Variants in STAT5B observed in about 807,000 individuals in gnomAD.
The protein encoded by STAT5B is transcription factor STAT5B.
In STAT5B, 21 loss-of-function variants were observed where a neutral mutation model predicts 107.8. The observed-to-expected ratio is 0.19, with a 90% CI of 0.14 to 0.28. The LOEUF (loss-of-function observed/expected upper bound fraction) is 0.28. STAT5B is among the 10% of genes least tolerant of loss of function. STAT5B has a pLI of 1.00. For synonymous variants in STAT5B, 325 were observed against 401.7 expected (o/e 0.81, Z 2.28); for missense variants, 565 against 1,008.2 (o/e 0.56, Z 5.95).
At chr17:42,237,544 C>T (rs956414167) in intron 1 of STAT5B, among the ~76,000 whole-genome samples, 2 of 152,016 alleles carry the variant, frequency 1.3e-5, no homozygotes, top group Admixed American at 6.6e-5. Flanking sequence ...TGTGTATCTG[C>T]CAACTCAGTG....
chr17:42,232,840 GT>G (rs931007817), intron 1 of STAT5B, among the ~76,000 whole-genome samples: 2,607 of 133,314 alleles, frequency 0.02, 20 homozygotes, highest in South Asian at 0.059. Context: ...TTAGCAGAGA[GT>G]TTTTTTTTTT....
At chr17:42,248,666 T>C (rs1199728831) in intron 1 of STAT5B, among the ~76,000 whole-genome samples, 1 of 152,232 alleles carries the variant, frequency 6.6e-6, no homozygotes, top group Non-Finnish European at 1.5e-5. Context: ...CTCCCACCTC[T>C]TAACTAACAG....
intron 18 of STAT5B, 26 bp downstream of exon 18, chr17:42,202,314 T>C (rs2080051468): frequency 1.2e-6 from 2 of 1,613,852 alleles, no homozygotes; most frequent in Non-Finnish European, 1.7e-6. Context: ...TCCTCCCCTG[T>C]GGACCCCCAC....
At chr17:42,207,419 C>T in intron 16 of STAT5B, 139 bp downstream of exon 16, 2 of 1,147,462 alleles carry the variant, frequency 1.7e-6, no homozygotes, top group East Asian at 2.5e-5. Context: ...CTGGAAAATG[C>T]TCAAACTGCT....
chr17:42,201,881 G>T lies in STAT5B; in HGVS notation c.2238-17C>A. ...GAGTCAGGGCTTGGGAGGGAAAGAAGAGGGATGAAGGGAAGGGGAAAGCCT... is the reference window on the plus strand; with the variant it reads ...GAGTCAGGGCTTGGGAGGGAAAGAATAGGGATGAAGGGAAGGGGAAAGCCT... On this transcript the variant is annotated splice_polypyrimidine_tract_variant and intron_variant, in intron 18 of 18. Transcript: ENST00000293328. The T allele has an allele frequency of 6.2e-7, 1 of 1,613,208 alleles. No individual in the cohort carries two copies. The highest frequency in any genetic ancestry group is 8.5e-7 in the Non-Finnish European group (1 of 1,179,600).
chr17:42,269,271 A>G (rs1010545432), intron 1 of STAT5B, among the ~76,000 whole-genome samples: 5 of 152,030 alleles, frequency 3.3e-5, no homozygotes, highest in African/African-American at 1.2e-4. Context: ...ACAGGGTTTC[A>G]CCATGTTGGC....
At position 42,237,228 on chromosome 17, in the gene STAT5B, C is replaced by T. The variant is rs181589235; in HGVS notation, c.-10-5091G>A. 7.6e-4 allele frequency among the ~76,000 whole-genome samples: 115 copies of T among 152,180 alleles called. 1 individual carries two copies. In the East Asian group the frequency reaches 0.017, roughly 22 times the overall value. On this transcript the variant is annotated intron_variant, in intron 1 of 18. Coordinates refer to ENST00000293328, the MANE Select transcript of STAT5B (RefSeq NM_012448.4). ...GGCTTGGAGAGCCAAATAAATCAGT[C>T]GGGCCCTCAGGCACTTGTTAATAAA...
chr17:42,262,523 A>G (rs1050763641), intron 1 of STAT5B, among the ~76,000 whole-genome samples: 11 of 152,052 alleles, frequency 7.2e-5, no homozygotes, highest in African/African-American at 2.7e-4. Flanking sequence ...AGATATTCCC[A>G]AATGAGTACC....
chr17:42,275,349 T>C (rs749734746), intron 1 of STAT5B: 4 of 152,340 alleles, frequency 2.6e-5, no homozygotes, highest in East Asian at 1.9e-4. Context: ...GTATCTCTTT[T>C]AGTCTTTAAA....
In STAT5B at chr17:42,207,640, G is replaced by A. The variant is rs370257486; in HGVS notation, c.1995C>T (p.Tyr665=). 5 of 1,614,018 alleles carry A rather than the reference G, an allele frequency of 3.1e-6. No individual in the cohort carries two copies. Among genetic ancestry groups the A allele is most frequent in the Admixed American group, 1.7e-5 (1 of 59,992 alleles). The change falls in exon 16 of 19, where the codon TAC becomes TAT. Residue 665 remains tyrosine (Y), a synonymous_variant. Coordinates refer to ENST00000293328, the MANE Select transcript of STAT5B (RefSeq NM_012448.4). Reference sequence around the variant, plus strand: ...GCCGATCAGGAAACACGTAGATAAGGTAATTCAAGTCTCCCAAGCGGTCGG... The same window carrying A: ...GCCGATCAGGAAACACGTAGATAAGATAATTCAAGTCTCCCAAGCGGTCGG... The part of the protein sequence containing the change: ...SLADRLGDLN[Y]LIYVFPDRPK...
At chr17:42,251,056 A>G (rs568225067) in intron 1 of STAT5B, among the ~76,000 whole-genome samples, 2 of 152,128 alleles carry the variant, frequency 1.3e-5, no homozygotes, top group Non-Finnish European at 2.9e-5. Context: ...TGAATACAAA[A>G]AGATTATTTG....
chr17:42,259,779 CA>C (rs374490542), intron 1 of STAT5B, among the ~76,000 whole-genome samples: 4 of 141,608 alleles, frequency 2.8e-5, no homozygotes, highest in Admixed American at 7.1e-5. Flanking sequence ...GATTCTGTCT[CA>C]AAAAAAAAAC....
intron 1 of STAT5B, among the ~76,000 whole-genome samples, chr17:42,238,755 G>A (rs1487461674): frequency 6.6e-6 from 1 of 151,550 alleles, no homozygotes; most frequent in East Asian, 2.0e-4. Context: ...TTAAAAGATG[G>A]CATTCCTATT....
the STAT5B span, among the ~76,000 whole-genome samples, chr17:42,282,160 TA>T: frequency 1.3e-5 from 2 of 152,154 alleles, no homozygotes; most frequent in African/African-American, 4.8e-5. Flanking sequence ...AACAGATATT[TA>T]TGAAGACTCT....
chr17:42,206,557 G>A (rs2080086656), intron 16 of STAT5B, among the ~76,000 whole-genome samples: 1 of 152,114 alleles, frequency 6.6e-6, no homozygotes, highest in South Asian at 2.1e-4. Flanking sequence ...ATGTTGTGTG[G>A]TATCTGTTTT....
At chr17:42,240,621 G>A (rs1015810906) in intron 1 of STAT5B, among the ~76,000 whole-genome samples, 5 of 152,246 alleles carry the variant, frequency 3.3e-5, no homozygotes, top group South Asian at 2.1e-4. Flanking sequence ...TTTATAGTGC[G>A]TGATTATATC....
At chr17:42,285,088 T>C in the STAT5B span, among the ~76,000 whole-genome samples, 2 of 152,032 alleles carry the variant, frequency 1.3e-5, no homozygotes, top group African/African-American at 2.4e-5. Flanking sequence ...TGCTTTTTTT[T>C]TTTTCTTTTC....
chr17:42,236,917 C>T (rs1436615379), intron 1 of STAT5B, among the ~76,000 whole-genome samples: 2 of 152,176 alleles, frequency 1.3e-5, no homozygotes, highest in Non-Finnish European at 2.9e-5. Flanking sequence ...CAGTACCCGC[C>T]ATCTTCTGCT....
intron 2 of STAT5B, among the ~76,000 whole-genome samples, chr17:42,231,060 G>A (rs1406186465): frequency 6.6e-6 from 1 of 151,786 alleles, no homozygotes; most frequent in Non-Finnish European, 1.5e-5. Flanking sequence ...TTTTTTGTTA[G>A]ATGTAAACTT....
Sources: allele counts gnomAD v4.1 joint callset (sites outside exome capture counted in the v4.1 genomes callset), GRCh38; gene constraint gnomAD v4.1.1; transcripts MANE v1.5; gene names NCBI Gene and HGNC (gene_info 2026-07-23, HGNC 2026-07-21).